Variants in POLR3B observed in about 807,000 individuals in gnomAD.
The protein encoded by POLR3B is DNA-directed RNA polymerase III subunit RPC2.
In POLR3B, 96 loss-of-function variants were observed where a neutral mutation model predicts 147.4. That is an observed-to-expected ratio of 0.65 (90% CI 0.55 to 0.77). The LOEUF (loss-of-function observed/expected upper bound fraction) is 0.77, where lower values mean the gene tolerates loss of function less well. POLR3B is among the 30% of genes least tolerant of loss of function. The pLI is 0.00. For missense variants in POLR3B, 1,036 were observed against 1,413.5 expected, an observed-to-expected ratio of 0.73 and a Z score of 4.28; for synonymous variants, 461 against 485.9, an observed-to-expected ratio of 0.95 and a Z score of 0.67.
chr12:106,477,891 C>CTT (rs34915594), intron 23 of POLR3B, among the ~76,000 whole-genome samples: 10,818 of 70,140 alleles, frequency 0.15, 2,560 homozygotes, highest in East Asian at 0.49. Flanking sequence ...GGCTCCTCCC[C>CTT]TTTTTTTTTT....
chr12:106,376,320 G>A (rs766958593), intron 6 of POLR3B, 39 bp from the exon 7 acceptor site: 1 of 1,369,772 alleles, frequency 7.3e-7, no homozygotes, highest in Non-Finnish European at 1.0e-6. Flanking sequence ...ATCATTGACA[G>A]CCTACATGTG....
At chr12:106,406,323 T>G (rs577124053) in intron 11 of POLR3B, among the ~76,000 whole-genome samples, 19 of 152,374 alleles carry the variant, frequency 1.2e-4, no homozygotes, top group African/African-American at 4.6e-4. Context: ...TAAAATAAGC[T>G]TACAGTGCCT....
intron 12 of POLR3B, among the ~76,000 whole-genome samples, chr12:106,422,623 G>T (rs555120050): frequency 7.2e-5 from 11 of 152,114 alleles, no homozygotes; most frequent in Non-Finnish European, 1.6e-4. Context: ...TCCATTTATT[G>T]TATAGTCTTT....
At chr12:106,451,402 C>T (rs768369158) in intron 19 of POLR3B, among the ~76,000 whole-genome samples, 3 of 151,720 alleles carry the variant, frequency 2.0e-5, no homozygotes, top group Non-Finnish European at 2.9e-5. Flanking sequence ...CTGAGGCAGG[C>T]GGATCACTTG....
At chr12:106,456,303 T>G (rs1220917697) in intron 20 of POLR3B, among the ~76,000 whole-genome samples, 1 of 152,162 alleles carries the variant, frequency 6.6e-6, no homozygotes, top group African/African-American at 2.4e-5. Flanking sequence ...GTTTTTCTTC[T>G]GTCCTTTTTG....
intron 25 of POLR3B, among the ~76,000 whole-genome samples, chr12:106,498,170 G>T (rs946264590): frequency 2.0e-5 from 3 of 152,250 alleles, no homozygotes; most frequent in African/African-American, 7.2e-5. Flanking sequence ...GATAAAGGGT[G>T]AGAAGGATAG....
chr12:106,398,835 G>A (rs1240993695), intron 10 of POLR3B, among the ~76,000 whole-genome samples: 2 of 152,060 alleles, frequency 1.3e-5, no homozygotes, highest in Non-Finnish European at 1.5e-5. Flanking sequence ...CCATCTGTAC[G>A]TCACCATCAT....
chr12:106,428,274 G>T (rs1041321399), intron 13 of POLR3B, among the ~76,000 whole-genome samples: 1 of 152,100 alleles, frequency 6.6e-6, no homozygotes, highest in African/African-American at 2.4e-5. Context: ...CCTCACCCAT[G>T]ATTTTCAGGT....
At chr12:106,370,117 T>C (rs897650291) in intron 6 of POLR3B, among the ~76,000 whole-genome samples, 2 of 152,214 alleles carry the variant, frequency 1.3e-5, no homozygotes, top group African/African-American at 2.4e-5. Flanking sequence ...GTTTTTGCAA[T>C]CTGCCCTTCC....
intron 19 of POLR3B, among the ~76,000 whole-genome samples, chr12:106,453,170 C>T (rs2037819365): frequency 6.6e-6 from 1 of 151,320 alleles, no homozygotes; most frequent in East Asian, 1.9e-4. Flanking sequence ...GACTACCATG[C>T]CCCGTTAATT....
chr12:106,430,946 G>A (rs555418459), intron 14 of POLR3B, among the ~76,000 whole-genome samples: 201 of 152,224 alleles, frequency 1.3e-3, no homozygotes, highest in African/African-American at 4.7e-3. Flanking sequence ...TAAACATCAA[G>A]CCAGGGAGTT....
At chr12:106,496,614 T>C in intron 24 of POLR3B, 138 bp from the exon 25 acceptor site, 1 of 760,580 alleles carries the variant, frequency 1.3e-6, no homozygotes, top group Non-Finnish European at 2.3e-6. Flanking sequence ...AGATCACACA[T>C]GTCAAGCTTA....
chr12:106,472,497 T>C (rs1246340276), intron 23 of POLR3B, among the ~76,000 whole-genome samples: 3 of 150,256 alleles, frequency 2.0e-5, no homozygotes, highest in African/African-American at 7.4e-5. Flanking sequence ...AAAGTGTTCC[T>C]ATTTCTTCAC....
intron 13 of POLR3B, among the ~76,000 whole-genome samples, chr12:106,428,999 G>A (rs1416546511): frequency 6.6e-6 from 1 of 152,142 alleles, no homozygotes. Flanking sequence ...GGATCCACAA[G>A]AGTCCAAAAA....
intron 10 of POLR3B, among the ~76,000 whole-genome samples, chr12:106,394,118 A>T (rs1368164400): frequency 6.6e-6 from 1 of 152,146 alleles, no homozygotes; most frequent in Non-Finnish European, 1.5e-5. Context: ...TGTATTCTGA[A>T]ATCAAATCAG....
chr12:106,456,327 C>T (rs1490694932), intron 20 of POLR3B, among the ~76,000 whole-genome samples: 1 of 151,856 alleles, frequency 6.6e-6, no homozygotes, highest in Admixed American at 6.6e-5. Flanking sequence ...ATTTTTCTTC[C>T]TTTTCTTTTC....
At chr12:106,441,973 C>T (rs536235550) in intron 18 of POLR3B, among the ~76,000 whole-genome samples, 27 of 151,806 alleles carry the variant, frequency 1.8e-4, no homozygotes, top group Admixed American at 9.2e-4. Context: ...CCAGCTACTC[C>T]GGAGGCTAAG....
intron 13 of POLR3B, among the ~76,000 whole-genome samples, chr12:106,429,558 A>G (rs763629281): frequency 5.3e-5 from 8 of 152,142 alleles, no homozygotes; most frequent in Non-Finnish European, 1.0e-4. Flanking sequence ...GTATACAATT[A>G]ATACAATTAT....
chr12:106,498,655 C>T (rs1359660190), intron 25 of POLR3B, among the ~76,000 whole-genome samples: 1 of 151,692 alleles, frequency 6.6e-6, no homozygotes, highest in African/African-American at 2.4e-5. Context: ...TGTCTCAGCT[C>T]ACTGCAACCT....
Sources: allele counts gnomAD v4.1 joint callset (sites outside exome capture counted in the v4.1 genomes callset), GRCh38; gene constraint gnomAD v4.1.1; transcripts MANE v1.5; gene names NCBI Gene and HGNC (gene_info 2026-07-23, HGNC 2026-07-21).